GRID2: variants seen among roughly 807,000 people sequenced by gnomAD.
GRID2 encodes the protein glutamate receptor ionotropic, delta-2.
GRID2 carries 33 observed loss-of-function variants against 114.8 expected under a neutral mutation model. The ratio of observed to expected loss-of-function variants is 0.29; its 90% confidence interval spans 0.22 to 0.38. The LOEUF (loss-of-function observed/expected upper bound fraction) is 0.38, where lower values mean the gene tolerates loss of function less well. Ranked by LOEUF, GRID2 falls within the 10% of genes least tolerant of loss-of-function variation. GRID2 has a pLI of 1.00. For synonymous variants in GRID2, 505 were observed against 449.9 expected, an observed-to-expected ratio of 1.12 and a Z score of -1.55; for missense variants, 1,184 against 1,257.7, an observed-to-expected ratio of 0.94 and a Z score of 0.89.
At chr4:93,260,553 CTG>C (rs1423389943) in intron 8 of GRID2, among the ~76,000 whole-genome samples, 2 of 151,686 alleles carry the variant, frequency 1.3e-5, no homozygotes, top group African/African-American at 4.8e-5. Context: ...CAAGCATCAA[CTG>C]TTATTTATAC....
intron 14 of GRID2, among the ~76,000 whole-genome samples, chr4:93,643,876 G>A (rs1721843269): frequency 1.0e-5 from 1 of 96,594 alleles, no homozygotes; most frequent in South Asian, 3.3e-4. Context: ...GTTTACCTAA[G>A]CAAGCCTGGG....
At chr4:93,554,619 G>C (rs1734119897) in intron 13 of GRID2, among the ~76,000 whole-genome samples, 2 of 152,036 alleles carry the variant, frequency 1.3e-5, no homozygotes, top group Admixed American at 6.6e-5. Context: ...TTCCAAATTA[G>C]AGATAGGAGT....
At chr4:93,011,946 C>T (rs1238009397) in intron 2 of GRID2, among the ~76,000 whole-genome samples, 1 of 151,890 alleles carries the variant, frequency 6.6e-6, no homozygotes, top group Non-Finnish European at 1.5e-5. Context: ...AGAACATAGA[C>T]AATACTTAAG....
chr4:93,706,082 G>C (rs1265717205), intron 14 of GRID2, among the ~76,000 whole-genome samples: 3 of 152,054 alleles, frequency 2.0e-5, no homozygotes, highest in Non-Finnish European at 4.4e-5. Context: ...GATCACTATA[G>C]CTCTGTAGTA....
At chr4:93,662,930 A>G (rs115013217) in intron 14 of GRID2, among the ~76,000 whole-genome samples, 1 of 152,342 alleles carries the variant, frequency 6.6e-6, no homozygotes, top group African/African-American at 2.4e-5. Context: ...GCTTGTTTAA[A>G]TCCTAAATAA....
intron 1 of GRID2, among the ~76,000 whole-genome samples, chr4:92,552,063 G>T (rs190458662): frequency 2.1e-3 from 313 of 152,118 alleles, no homozygotes; most frequent in African/African-American, 7.2e-3. Context: ...TGAGGTGACT[G>T]ATACATTCAA....
chr4:93,619,100 T>G (rs1006459952), intron 13 of GRID2, among the ~76,000 whole-genome samples: 1 of 152,184 alleles, frequency 6.6e-6, no homozygotes, highest in Non-Finnish European at 1.5e-5. Flanking sequence ...TTTTGAAAGT[T>G]TGTGCCCTAT....
chr4:92,769,240 T>A (rs2149350711), intron 2 of GRID2, among the ~76,000 whole-genome samples: 1 of 152,302 alleles, frequency 6.6e-6, no homozygotes, highest in East Asian at 1.9e-4. Context: ...AATTATCTCT[T>A]TTGACTCCAT....
chr4:93,240,497 T>C (rs976435676), intron 8 of GRID2, among the ~76,000 whole-genome samples: 1 of 151,414 alleles, frequency 6.6e-6, no homozygotes, highest in South Asian at 2.1e-4. Context: ...TTAGAAGTTA[T>C]GTATATATTC....
chr4:93,421,750 G>A (rs1768307114), intron 9 of GRID2, among the ~76,000 whole-genome samples: 1 of 151,922 alleles, frequency 6.6e-6, no homozygotes, highest in Non-Finnish European at 1.5e-5. Context: ...TATAACAGGT[G>A]CAGTGATTTT....
At chr4:93,074,657 A>G (rs1729100024) in intron 2 of GRID2, among the ~76,000 whole-genome samples, 1 of 152,186 alleles carries the variant, frequency 6.6e-6, no homozygotes, top group Non-Finnish European at 1.5e-5. Flanking sequence ...GCCGAAATCA[A>G]TGAGATAGAG....
intron 9 of GRID2, among the ~76,000 whole-genome samples, chr4:93,406,500 G>T (rs1766435263): frequency 1.3e-5 from 2 of 152,132 alleles, no homozygotes; most frequent in Non-Finnish European, 2.9e-5. Context: ...TGTGAATCTT[G>T]CCTGAGTACT....
intron 13 of GRID2, among the ~76,000 whole-genome samples, chr4:93,617,832 A>T (rs111724599): frequency 1.3e-5 from 2 of 152,172 alleles, no homozygotes; most frequent in Admixed American, 1.3e-4. Flanking sequence ...CATTATTGTG[A>T]ACAGCAAATC....
intron 8 of GRID2, among the ~76,000 whole-genome samples, chr4:93,269,200 T>C (rs916794287): frequency 6.6e-6 from 1 of 152,126 alleles, no homozygotes; most frequent in Non-Finnish European, 1.5e-5. Context: ...CTTAATCTTT[T>C]TGCACATTAA....
intron 1 of GRID2, among the ~76,000 whole-genome samples, chr4:92,398,560 A>G (rs180986192): frequency 3.1e-4 from 47 of 152,320 alleles, no homozygotes; most frequent in East Asian, 1.2e-3. Context: ...CGGCCTTGCA[A>G]AGTGCTGGGA....
intron 13 of GRID2, among the ~76,000 whole-genome samples, chr4:93,585,245 C>T (rs1737409906): frequency 6.6e-6 from 1 of 152,064 alleles, no homozygotes; most frequent in South Asian, 2.1e-4. Context: ...AAAGAAATCC[C>T]TCAGGATCTT....
At chr4:93,030,810 G>C (rs1052202315) in intron 2 of GRID2, among the ~76,000 whole-genome samples, 1 of 151,952 alleles carries the variant, frequency 6.6e-6, no homozygotes, top group African/African-American at 2.4e-5. Flanking sequence ...AATGGAGACA[G>C]AGGAAGGGGA....
At chr4:93,215,357 G>A (rs1346184447) in intron 5 of GRID2, among the ~76,000 whole-genome samples, 1 of 152,024 alleles carries the variant, frequency 6.6e-6, no homozygotes. Flanking sequence ...ACATTGAATA[G>A]CAATATTAAT....
chr4:93,076,575 C>T (rs186720278), intron 2 of GRID2, among the ~76,000 whole-genome samples: 2 of 147,062 alleles, frequency 1.4e-5, no homozygotes, highest in Admixed American at 1.4e-4. Context: ...GTATTACTAA[C>T]TGAGCCGCAG....
Sources: gnomAD v4.1 joint callset for allele counts (sites outside exome capture counted in the v4.1 genomes callset) on GRCh38, gnomAD v4.1.1 for gene constraint, MANE v1.5 for transcripts, NCBI Gene and HGNC (gene_info 2026-07-23, HGNC 2026-07-21) for gene names.